The following CAMTA1 variants were observed in gnomAD, a reference collection of about 807,000 sequenced individuals.
The protein encoded by CAMTA1 is calmodulin-binding transcription activator 1.
In CAMTA1, 27 loss-of-function variants were observed where a neutral mutation model predicts 170.9. The observed-to-expected ratio is 0.16, with a 90% CI of 0.12 to 0.22. The LOEUF (loss-of-function observed/expected upper bound fraction) is 0.22, where lower values mean the gene tolerates loss of function less well. Among genes scored for constraint, CAMTA1 ranks in the 10% least tolerant of loss-of-function variants. The pLI is 1.00. For missense variants in CAMTA1, 1,619 were observed against 2,217.2 expected, an observed-to-expected ratio of 0.73 and a Z score of 5.42; for synonymous variants, 833 against 891.5, an observed-to-expected ratio of 0.93 and a Z score of 1.17.
chr1:6,817,679 G>A (rs1645993695), intron 1 of CAMTA1, among the ~76,000 whole-genome samples: 1 of 152,134 alleles, frequency 6.6e-6, no homozygotes, highest in South Asian at 2.1e-4. Flanking sequence ...TGTCACCCAA[G>A]CTAGAGTGCA....
intron 1 of CAMTA1, among the ~76,000 whole-genome samples, chr1:6,791,332 G>A (rs2148038848): frequency 6.6e-6 from 1 of 152,260 alleles, no homozygotes; most frequent in East Asian, 1.9e-4. Context: ...ACAAGGCATT[G>A]CTTCTTGTTT....
At chr1:7,346,831 C>G (rs561648195) in intron 5 of CAMTA1, among the ~76,000 whole-genome samples, 36 of 152,242 alleles carry the variant, frequency 2.4e-4, no homozygotes, top group Non-Finnish European at 3.7e-4. Flanking sequence ...CCCCATTTAC[C>G]CCAGGAGGTT....
At position 7,398,215 on chromosome 1, in the gene CAMTA1, A is replaced by C. The variant is rs1363189038; in HGVS notation, c.439-69615A>C. ...TCTCTATATATATATATATATATAT[A>C]TATATATATATATATATATATATTT... On this transcript the variant is annotated intron_variant, in intron 5 of 22. Coordinates refer to ENST00000303635, the MANE Select transcript of CAMTA1 (RefSeq NM_015215.4). Among the ~76,000 whole-genome samples, 134 of 116,660 alleles carry C rather than the reference A, an allele frequency of 1.1e-3. 1 individual carries two copies. The highest frequency in any genetic ancestry group is 2.5e-3 in the African/African-American group (77 of 30,958). The allele number at this position is 116,660 out of a possible 152,430, so 76.5% of individuals were successfully genotyped here. A position where few individuals can be genotyped will look rare whatever the true frequency, so the allele number is the denominator to read the frequency against.
intron 3 of CAMTA1, among the ~76,000 whole-genome samples, chr1:6,962,148 C>G (rs893054772): frequency 6.6e-6 from 1 of 152,224 alleles, no homozygotes; most frequent in Admixed American, 6.5e-5. Flanking sequence ...CCGATTTATT[C>G]AGGACACACG....
intron 3 of CAMTA1, among the ~76,000 whole-genome samples, chr1:6,964,720 C>A (rs544308736): frequency 6.6e-6 from 1 of 152,320 alleles, no homozygotes; most frequent in South Asian, 2.1e-4. Context: ...TTGCTTTGGT[C>A]CCTTTGAGGT....
At chr1:7,569,366 CACCA>C (rs754023181) in intron 6 of CAMTA1, among the ~76,000 whole-genome samples, 17 of 151,496 alleles carry the variant, frequency 1.1e-4, no homozygotes, top group African/African-American at 2.7e-4. Context: ...CCATCACCAC[CACCA>C]ACCATCATCA....
rs1053528121 is a variant in CAMTA1 at position 7,173,944 on chromosome 1, C to T, written c.303-75547C>T. Among the ~76,000 whole-genome samples the T allele has an allele frequency of 1.3e-5, 2 of 152,142 alleles. No homozygotes were observed. Among genetic ancestry groups the T allele is most frequent in the Non-Finnish European group, 2.9e-5 (2 of 68,018 alleles). On this transcript the variant is annotated intron_variant, in intron 4 of 22. Coordinates refer to ENST00000303635, the MANE Select transcript of CAMTA1 (RefSeq NM_015215.4). This position sits in a 1 kb window ranked among gnomAD's most constrained non-coding sequence, Gnocchi z 5.4. ...AAACCTAGTGGAACTCAGAGGGGCC[C>T]AGCCTTTACCATGGGTTACCTTTGA...
intron 4 of CAMTA1, among the ~76,000 whole-genome samples, chr1:7,185,112 G>A (rs1269464028): frequency 3.3e-5 from 5 of 152,154 alleles, no homozygotes; most frequent in Non-Finnish European, 5.9e-5. Flanking sequence ...GGTATAGAAG[G>A]CTAGAATTAG....
chr1:7,537,432 G>A (rs1044800264), intron 6 of CAMTA1, among the ~76,000 whole-genome samples: 17 of 152,138 alleles, frequency 1.1e-4, no homozygotes, highest in African/African-American at 3.9e-4. Flanking sequence ...GCCCCTGCCC[G>A]AGCAACAGCA....
At position 7,299,241 on chromosome 1, in the gene CAMTA1, G is replaced by A. The variant is rs1044652417; in HGVS notation, c.438+49615G>A. 6.6e-6 allele frequency among the ~76,000 whole-genome samples: 1 copy of A among 152,162 alleles called. No individual in the cohort carries two copies. The highest frequency in any genetic ancestry group is 1.5e-5 in the Non-Finnish European group (1 of 68,036). ...GATATTACTTCTTCATAATAAAATCGTATATGAAACAATGACTTGATTTCT... is the reference window on the plus strand; with the variant it reads ...GATATTACTTCTTCATAATAAAATCATATATGAAACAATGACTTGATTTCT... On this transcript the variant is annotated intron_variant, in intron 5 of 22. Transcript: ENST00000303635. The surrounding 1 kb of genome is among the most constrained non-coding windows in gnomAD (Gnocchi z 4.7).
chr1:7,568,778 C>T (rs1440004304), intron 6 of CAMTA1, among the ~76,000 whole-genome samples: 2 of 151,334 alleles, frequency 1.3e-5, no homozygotes, highest in Non-Finnish European at 2.9e-5. Context: ...ACCATCACAT[C>T]ACCATCACCA....
rs551126277 is a variant in CAMTA1 at position 7,044,685 on chromosome 1, C to A, written c.235-46619C>A. 7.3e-5 allele frequency among the ~76,000 whole-genome samples: 11 copies of A among 150,362 alleles called. No homozygotes were observed. In the South Asian group the frequency reaches 2.1e-3, roughly 28 times the overall value. On this transcript the variant is annotated intron_variant, in intron 3 of 22. Transcript: ENST00000303635. This position sits in a 1 kb window ranked among gnomAD's most constrained non-coding sequence, Gnocchi z 5.0. ...CAGAGACAGGAAGCCTGTCCCTCCC[C>A]TCTCTGGGCGACCTTCCGAGGAGGC...
chr1:7,492,807 ATG>A (rs536015679), intron 6 of CAMTA1, among the ~76,000 whole-genome samples: 18,015 of 145,196 alleles, frequency 0.12, 1,710 homozygotes, highest in East Asian at 0.41. Context: ...ACGTATACAC[ATG>A]CGCGCACAGA....
intron 4 of CAMTA1, among the ~76,000 whole-genome samples, chr1:7,118,921 C>T (rs555856241): frequency 1.6e-4 from 25 of 152,280 alleles, no homozygotes; most frequent in Middle Eastern, 3.4e-3. Flanking sequence ...GAGCTGACTT[C>T]AGAAGCTGAT....
In CAMTA1 at chr1:7,485,504, C is replaced by T. The variant is rs1319510321; in HGVS notation, c.510+17603C>T. Among the ~76,000 whole-genome samples the T allele has an allele frequency of 2.6e-5, 4 of 152,324 alleles. No homozygotes were observed. In the East Asian group the frequency reaches 5.8e-4, roughly 22 times the overall value. On this transcript the variant is annotated intron_variant, in intron 6 of 22. Transcript: ENST00000303635. ...GAACTTGGAGTAGTATGGGCAGTGC[C>T]GGGCTGAGAGCCACAGCAGAGAGAG...
intron 6 of CAMTA1, among the ~76,000 whole-genome samples, chr1:7,625,025 C>T (rs904556561): frequency 6.6e-6 from 1 of 152,172 alleles, no homozygotes; most frequent in African/African-American, 2.4e-5. Flanking sequence ...GTCTGGTTGA[C>T]TGAGCCAAGA....
At chr1:7,497,759 G>A (rs2093854055) in intron 6 of CAMTA1, among the ~76,000 whole-genome samples, 1 of 152,250 alleles carries the variant, frequency 6.6e-6, no homozygotes, top group Non-Finnish European at 1.5e-5. Flanking sequence ...GACGGCAGGA[G>A]AGAGCAGACG....
intron 5 of CAMTA1, among the ~76,000 whole-genome samples, chr1:7,383,043 C>T (rs2087523332): frequency 6.6e-6 from 1 of 152,174 alleles, no homozygotes; most frequent in Non-Finnish European, 1.5e-5. Context: ...AGACCATCTC[C>T]ATGCTTGTGT....
At chr1:7,327,255 A>T (rs1224415753) in intron 5 of CAMTA1, among the ~76,000 whole-genome samples, 1 of 151,906 alleles carries the variant, frequency 6.6e-6, no homozygotes, top group Non-Finnish European at 1.5e-5. Flanking sequence ...ATACAAAAAA[A>T]ATTAGCCAGG....
Sources: gnomAD v4.1 joint callset for allele counts (sites outside exome capture counted in the v4.1 genomes callset) on GRCh38, gnomAD v4.1.1 for gene constraint, Gnocchi (gnomAD v3.1) non-coding constraint, MANE v1.5 for transcripts, NCBI Gene and HGNC (gene_info 2026-07-23, HGNC 2026-07-21) for gene names.